Variants in FRMD6 observed in about 807,000 individuals in gnomAD.
FRMD6 encodes FERM domain containing 6.
In FRMD6, 37 loss-of-function variants were observed where a neutral mutation model predicts 73.2. The observed-to-expected ratio is 0.51, with a 90% confidence interval of 0.39 to 0.66. The LOEUF (loss-of-function observed/expected upper bound fraction) is 0.66, where lower values mean the gene tolerates loss of function less well. FRMD6 is among the 30% of genes least tolerant of loss of function. FRMD6 has a pLI of 0.00. For missense variants in FRMD6, 714 were observed against 780.5 expected, an observed-to-expected ratio of 0.91 and a Z score of 1.02; for synonymous variants, 273 against 282.2, an observed-to-expected ratio of 0.97 and a Z score of 0.33.
At chr14:51,579,215 C>T (rs1294693992) in intron 2 of FRMD6, 1 of 152,184 alleles carries the variant, frequency 6.6e-6, no homozygotes. Flanking sequence ...CCCAATTTCC[C>T]TCCCTGGATT....
intron 1 of FRMD6, among the ~76,000 whole-genome samples, chr14:51,559,885 G>T (rs1484113968): frequency 6.6e-6 from 1 of 152,198 alleles, no homozygotes; most frequent in Admixed American, 6.5e-5. Flanking sequence ...TATAAGCACA[G>T]TCATGTTCAT....
chr14:51,478,914 A>G, the FRMD6 span, among the ~76,000 whole-genome samples: 1 of 152,206 alleles, frequency 6.6e-6, no homozygotes, highest in Non-Finnish European at 1.5e-5. Flanking sequence ...AGTTGTCAAA[A>G]GAAAAAAAAT....
the FRMD6 span, among the ~76,000 whole-genome samples, chr14:51,449,609 C>A: frequency 2.0e-5 from 3 of 152,186 alleles, no homozygotes; most frequent in Admixed American, 6.5e-5. Context: ...CTGTAGTGAT[C>A]CCAAAGAGTG....
At chr14:51,700,319 C>T in intron 3 of FRMD6, among the ~76,000 whole-genome samples, 1 of 152,002 alleles carries the variant, frequency 6.6e-6, no homozygotes. Flanking sequence ...TGTTTTCTAC[C>T]AGCTTCTTTT....
At chr14:51,638,182 G>C (rs748145313) in intron 2 of FRMD6, among the ~76,000 whole-genome samples, 1 of 152,150 alleles carries the variant, frequency 6.6e-6, no homozygotes, top group Admixed American at 6.5e-5. Context: ...TACTTGGAAG[G>C]CTGAGGTGGG....
intron 1 of FRMD6, among the ~76,000 whole-genome samples, chr14:51,552,025 A>G (rs1886868255): frequency 6.6e-6 from 1 of 152,206 alleles, no homozygotes; most frequent in Admixed American, 6.5e-5. Flanking sequence ...ATCAATGCCT[A>G]GAACATTGCC....
chr14:51,479,843 G>A, the FRMD6 span, among the ~76,000 whole-genome samples: 1 of 152,172 alleles, frequency 6.6e-6, no homozygotes, highest in Non-Finnish European at 1.5e-5. Flanking sequence ...AATAGCAGTT[G>A]CAGAGGCATG....
chr14:51,585,804 G>A (rs1888993374), intron 2 of FRMD6, among the ~76,000 whole-genome samples: 1 of 150,938 alleles, frequency 6.6e-6, no homozygotes, highest in African/African-American at 2.4e-5. Flanking sequence ...GTGAGAATAT[G>A]CAATATTTGA....
At chr14:51,420,470 A>C in the FRMD6 span, among the ~76,000 whole-genome samples, 148 of 152,324 alleles carry the variant, frequency 9.7e-4, no homozygotes, top group African/African-American at 3.5e-3. Flanking sequence ...CAAAATGCTT[A>C]TTGGGCTTAT....
the FRMD6 span, among the ~76,000 whole-genome samples, chr14:51,481,131 T>A: frequency 1.1e-4 from 16 of 152,164 alleles, no homozygotes; most frequent in Admixed American, 9.2e-4. Flanking sequence ...ATGAAAACAA[T>A]GTGATGCAGG....
chr14:51,422,916 C>T, the FRMD6 span, among the ~76,000 whole-genome samples: 1 of 152,168 alleles, frequency 6.6e-6, no homozygotes, highest in Non-Finnish European at 1.5e-5. Context: ...CATGGTTTGC[C>T]TTGACCAATG....
chr14:51,413,222 C>T, the FRMD6 span, among the ~76,000 whole-genome samples: 8 of 152,120 alleles, frequency 5.3e-5, no homozygotes, highest in African/African-American at 1.7e-4. Context: ...AGGTTTGTTA[C>T]ATAGGTATGC....
chr14:51,711,525 C>A lies in FRMD6; in HGVS notation c.715-6C>A. The A allele has an allele frequency of 1.3e-6, 2 of 1,580,052 alleles. No homozygotes were observed. The highest frequency in any genetic ancestry group is 1.7e-6 in the Non-Finnish European group (2 of 1,152,414). On this transcript the variant is annotated splice_polypyrimidine_tract_variant and splice_region_variant and intron_variant, in intron 7 of 13. Transcript: ENST00000344768. ...TTTAATTTTTTATAAAATCCTATTC[C>A]TACAGGATAAAAGGGAAATTGAAGC...
Position 51,679,854 on chromosome 14 carries a change from CAA to C in FRMD6, c.-146-9836_-146-9835del, listed in dbSNP as rs565380136. Among the ~76,000 whole-genome samples the C allele has an allele frequency of 2.6e-5, 4 of 152,238 alleles. No individual in the cohort carries two copies. The South Asian group carries it at 6.2e-4, about 24-fold the overall frequency. On this transcript the variant is annotated intron_variant, in intron 1 of 13. Transcript: ENST00000344768. ...TATGTTTTTAATCTCTAATGTAAGACAAGTGATAATTTCATTTTCCCAAGTAC... is the reference window on the plus strand; with the variant it reads ...TATGTTTTTAATCTCTAATGTAAGACGTGATAATTTCATTTTCCCAAGTAC...
chr14:51,524,431 G>A (rs746027555), intron 1 of FRMD6, among the ~76,000 whole-genome samples: 15 of 152,006 alleles, frequency 9.9e-5, no homozygotes, highest in Non-Finnish European at 1.9e-4. Flanking sequence ...GTGTTTTGCG[G>A]GGAGCGGGAC....
chr14:51,665,229 A>C (rs2140193746), intron 1 of FRMD6, among the ~76,000 whole-genome samples: 1 of 152,316 alleles, frequency 6.6e-6, no homozygotes, highest in East Asian at 1.9e-4. Flanking sequence ...TAGCAACATA[A>C]CAGCTTCCCC....
chr14:51,712,222 G>T lies in FRMD6; in HGVS notation c.781-261G>T, dbSNP rs1267756411. ...ATCTCTTGAATACCTGAGTCCTTTG[G>T]ACTTTTTATTTAAATTTAGGCATAC... On this transcript the variant is annotated intron_variant, in intron 8 of 13. Coordinates refer to ENST00000344768, the MANE Select transcript of FRMD6 (RefSeq NM_001267046.2). 2.6e-5 allele frequency among the ~76,000 whole-genome samples: 4 copies of T among 152,236 alleles called. No homozygotes were observed. The East Asian group carries it at 7.7e-4, about 29-fold the overall frequency.
intron 1 of FRMD6, among the ~76,000 whole-genome samples, chr14:51,509,786 C>T (rs1413498533): frequency 1.3e-5 from 2 of 151,902 alleles, no homozygotes; most frequent in East Asian, 3.9e-4. Context: ...GCCACCACGC[C>T]CGGCTAATTT....
intron 12 of FRMD6, 91 bp downstream of exon 12, chr14:51,722,171 G>A: frequency 1.4e-6 from 2 of 1,431,030 alleles, no homozygotes; most frequent in East Asian, 2.3e-5. Context: ...GGTGAGCTGG[G>A]GGCCCTAGAC....
Sources: allele counts gnomAD v4.1 joint callset (sites outside exome capture counted in the v4.1 genomes callset), GRCh38; gene constraint gnomAD v4.1.1; transcripts MANE v1.5; gene names NCBI Gene and HGNC (gene_info 2026-07-23, HGNC 2026-07-21).